The following PDE4D variants were observed in gnomAD, a reference collection of about 807,000 sequenced individuals.
The protein encoded by PDE4D is 3',5'-cyclic-AMP phosphodiesterase 4D.
PDE4D carries 24 observed loss-of-function variants against 87.4 expected under a neutral mutation model. That is an observed-to-expected ratio of 0.27 (90% CI 0.20 to 0.39). PDE4D has a LOEUF of 0.39. Ranked by LOEUF, PDE4D falls within the 10% of genes least tolerant of loss-of-function variation. The probability of loss-of-function intolerance (pLI) is 1.00; values close to 1 mark genes in which losing one functional copy is unlikely to be tolerated. For synonymous variants in PDE4D, 384 were observed against 383.2 expected, an observed-to-expected ratio of 1.00 and a Z score of -0.02; for missense variants, 714 against 1,041.0, an observed-to-expected ratio of 0.69 and a Z score of 4.32.
At chr5:59,475,269 T>C (rs951686253) in intron 1 of PDE4D, among the ~76,000 whole-genome samples, 2 of 152,132 alleles carry the variant, frequency 1.3e-5, no homozygotes, top group Admixed American at 1.3e-4. Context: ...GGCTAAATTA[T>C]GTGTACCTAG....
chr5:60,046,038 C>G (rs1032077605), intron 2 of PDE4D, among the ~76,000 whole-genome samples: 2 of 152,112 alleles, frequency 1.3e-5, no homozygotes, highest in Non-Finnish European at 2.9e-5. Flanking sequence ...TCTTTTATTT[C>G]CTTGAGCAGT....
At chr5:60,515,285 T>C (rs931869330) in intron 1 of PDE4D, among the ~76,000 whole-genome samples, 4 of 152,140 alleles carry the variant, frequency 2.6e-5, no homozygotes, top group Non-Finnish European at 5.9e-5. Context: ...AATAAGATTG[T>C]GAGTCTCCAT....
intron 2 of PDE4D, among the ~76,000 whole-genome samples, chr5:60,098,044 T>A (rs1470842890): frequency 2.0e-5 from 3 of 151,928 alleles, no homozygotes; most frequent in Admixed American, 2.0e-4. Flanking sequence ...GTTACCCTCA[T>A]CTAAACTGAA....
intron 3 of PDE4D, chr5:59,988,283 T>C (rs1037556304): frequency 2.1e-6 from 1 of 481,940 alleles, no homozygotes; most frequent in Non-Finnish European, 3.7e-6. Flanking sequence ...TTTTCAGCTC[T>C]TCCATGTAAA....
upstream of PDE4D, among the ~76,000 whole-genome samples, chr5:59,895,991 C>A (rs1751595792): frequency 6.6e-6 from 1 of 152,254 alleles, no homozygotes; most frequent in East Asian, 1.9e-4. Flanking sequence ...GTAAGAAAAT[C>A]ATTTAATATG....
chr5:59,134,663 C>A (rs985543529), intron 5 of PDE4D, among the ~76,000 whole-genome samples: 4 of 152,192 alleles, frequency 2.6e-5, no homozygotes, highest in Admixed American at 2.6e-4. Context: ...TCTGGCATTT[C>A]TCCTAGTGCT....
intron 1 of PDE4D, among the ~76,000 whole-genome samples, chr5:59,876,244 G>A (rs1369286): frequency 0.19 from 28,251 of 152,076 alleles, 4,880 homozygotes; most frequent in African/African-American, 0.46. Context: ...TCTGTGCAAA[G>A]CTTCTAGGAG....
intron 1 of PDE4D, among the ~76,000 whole-genome samples, chr5:60,430,551 T>TG (rs1554034820): frequency 1.5e-5 from 2 of 137,430 alleles, no homozygotes; most frequent in African/African-American, 2.9e-5. Context: ...TTTTGTTTGT[T>TG]TTTTTTTTTT....
chr5:59,933,352 T>C (rs1199390299), intron 3 of PDE4D, among the ~76,000 whole-genome samples: 1 of 152,230 alleles, frequency 6.6e-6, no homozygotes, highest in Non-Finnish European at 1.5e-5. Context: ...TGGAAATGTC[T>C]TCAGAGTAAA....
chr5:59,645,639 A>G (rs963015897), intron 1 of PDE4D, among the ~76,000 whole-genome samples: 1 of 152,188 alleles, frequency 6.6e-6, no homozygotes, highest in Non-Finnish European at 1.5e-5. Context: ...TGAAAGTGCA[A>G]GCCCAGAGAT....
intron 2 of PDE4D, among the ~76,000 whole-genome samples, chr5:60,118,561 T>TTG (rs34503506): frequency 0.067 from 9,718 of 144,112 alleles, 500 homozygotes; most frequent in African/African-American, 0.14. Context: ...TGGATGTAGG[T>TTG]TGTGTGTGTG....
At chr5:59,100,211 G>A (rs892311226) in intron 5 of PDE4D, among the ~76,000 whole-genome samples, 23 of 152,166 alleles carry the variant, frequency 1.5e-4, no homozygotes, top group Non-Finnish European at 8.8e-5. Flanking sequence ...CATCTTTGGC[G>A]GTGCGCCACT....
At chr5:59,753,059 C>A (rs1760714250) in intron 1 of PDE4D, among the ~76,000 whole-genome samples, 1 of 152,092 alleles carries the variant, frequency 6.6e-6, no homozygotes, top group African/African-American at 2.4e-5. Context: ...ATAGTTGCCC[C>A]AGAGACCATA....
intron 1 of PDE4D, among the ~76,000 whole-genome samples, chr5:60,232,956 C>T (rs1258018474): frequency 1.3e-5 from 2 of 151,696 alleles, no homozygotes; most frequent in African/African-American, 2.4e-5. Flanking sequence ...AGCCATACTA[C>T]TAATAGAAAA....
intron 1 of PDE4D, among the ~76,000 whole-genome samples, chr5:60,498,503 T>C (rs1456670249): frequency 6.6e-6 from 1 of 152,122 alleles, no homozygotes; most frequent in Non-Finnish European, 1.5e-5. Flanking sequence ...CCAGAACTTG[T>C]ACAAATGGGG....
At chr5:59,684,841 T>G (rs1468655985) in intron 1 of PDE4D, among the ~76,000 whole-genome samples, 3 of 152,204 alleles carry the variant, frequency 2.0e-5, no homozygotes, top group Non-Finnish European at 2.9e-5. Flanking sequence ...GCTTGAGGAC[T>G]CCCATATGCC....
At chr5:60,115,835 G>A (rs1188415804) in intron 2 of PDE4D, among the ~76,000 whole-genome samples, 1 of 151,972 alleles carries the variant, frequency 6.6e-6, no homozygotes, top group African/African-American at 2.4e-5. Flanking sequence ...TTTCTTCTTA[G>A]GTGAAATAAG....
chr5:59,942,245 A>G (rs1017852020), intron 3 of PDE4D, among the ~76,000 whole-genome samples: 5 of 152,150 alleles, frequency 3.3e-5, no homozygotes, highest in African/African-American at 1.2e-4. Flanking sequence ...CATAGTTTTC[A>G]CTAGTTTTAC....
chr5:59,478,453 C>G (rs928702598), intron 1 of PDE4D, among the ~76,000 whole-genome samples: 1 of 152,038 alleles, frequency 6.6e-6, no homozygotes, highest in Non-Finnish European at 1.5e-5. Context: ...AAAGGACAAC[C>G]TGTTTTTAAG....
Sources: allele counts gnomAD v4.1 joint callset (sites outside exome capture counted in the v4.1 genomes callset), GRCh38; gene constraint gnomAD v4.1.1; transcripts MANE v1.5; gene names NCBI Gene and HGNC (gene_info 2026-07-23, HGNC 2026-07-21).